THSD7B: variants seen among roughly 807,000 people sequenced by gnomAD.
THSD7B encodes thrombospondin type-1 domain-containing protein 7B.
In THSD7B, 138 loss-of-function variants were observed where a neutral mutation model predicts 213.6. That is an observed-to-expected ratio of 0.65 (90% CI 0.56 to 0.74). The LOEUF (loss-of-function observed/expected upper bound fraction) is 0.74, where lower values mean the gene tolerates loss of function less well. THSD7B is among the 30% of genes least tolerant of loss of function. THSD7B has a pLI of 0.00. For missense variants in THSD7B, 1,931 were observed against 1,991.5 expected, an observed-to-expected ratio of 0.97 and a Z score of 0.58; for synonymous variants, 742 against 687.0, an observed-to-expected ratio of 1.08 and a Z score of -1.25.
chr2:137,311,161 T>G (rs538707699), intron 12 of THSD7B, among the ~76,000 whole-genome samples: 2 of 151,240 alleles, frequency 1.3e-5, no homozygotes, highest in African/African-American at 4.9e-5. Context: ...TCCATTTGTT[T>G]GTATCCTCTT....
chr2:137,141,343 A>G (rs533053323), intron 5 of THSD7B, among the ~76,000 whole-genome samples: 5 of 152,234 alleles, frequency 3.3e-5, no homozygotes, highest in African/African-American at 9.6e-5. Context: ...CAAAACTAAG[A>G]CCAATCAGAA....
At chr2:137,023,611 G>A (rs1686487659) in intron 2 of THSD7B, among the ~76,000 whole-genome samples, 1 of 152,138 alleles carries the variant, frequency 6.6e-6, no homozygotes, top group South Asian at 2.1e-4. Flanking sequence ...TCTTTCCTTT[G>A]CGTGGACTCT....
chr2:137,643,593 A>G (rs530089442), intron 21 of THSD7B, among the ~76,000 whole-genome samples: 25 of 152,332 alleles, frequency 1.6e-4, no homozygotes, highest in African/African-American at 5.8e-4. Flanking sequence ...TACTTTGTCT[A>G]CTAGTCTAAA....
chr2:137,402,762 G>A (rs1018520606), intron 12 of THSD7B, among the ~76,000 whole-genome samples: 7 of 143,950 alleles, frequency 4.9e-5, no homozygotes, highest in South Asian at 4.3e-4. Context: ...GTTGCAGTGA[G>A]CTGAGATCAC....
intron 15 of THSD7B, among the ~76,000 whole-genome samples, chr2:137,457,279 A>G (rs1234282860): frequency 6.6e-6 from 1 of 152,058 alleles, no homozygotes; most frequent in East Asian, 1.9e-4. Flanking sequence ...ATATTTTTTC[A>G]TACTGGTTAT....
chr2:137,288,343 T>C (rs1247504670), intron 12 of THSD7B, among the ~76,000 whole-genome samples: 1 of 152,108 alleles, frequency 6.6e-6, no homozygotes, highest in Non-Finnish European at 1.5e-5. Flanking sequence ...ATCACTCTTT[T>C]AGCTGAGGTG....
At chr2:137,599,078 A>C (rs1201568053) in intron 17 of THSD7B, among the ~76,000 whole-genome samples, 6 of 120,334 alleles carry the variant, frequency 5.0e-5, no homozygotes, top group Non-Finnish European at 8.1e-5. Flanking sequence ...ATTCCCCTTC[A>C]TGTGTCCATG....
chr2:137,655,880 T>C (rs2104816633), intron 22 of THSD7B, among the ~76,000 whole-genome samples: 1 of 152,304 alleles, frequency 6.6e-6, no homozygotes, highest in Admixed American at 6.5e-5. Context: ...ACTTAAGAGC[T>C]AAGTTAGAAT....
chr2:136,866,174 A>C (rs1352155039), intron 1 of THSD7B, among the ~76,000 whole-genome samples: 1 of 152,090 alleles, frequency 6.6e-6, no homozygotes, highest in East Asian at 1.9e-4. Flanking sequence ...TGCCTATTTC[A>C]TTCTTCTTAT....
chr2:137,033,666 G>T (rs893635869), intron 2 of THSD7B, among the ~76,000 whole-genome samples: 1 of 151,816 alleles, frequency 6.6e-6, no homozygotes, highest in African/African-American at 2.4e-5. Flanking sequence ...GACCTGGAGC[G>T]CAGTGGCACA....
intron 1 of THSD7B, among the ~76,000 whole-genome samples, chr2:136,818,853 A>G (rs569885478): frequency 1.3e-5 from 2 of 152,036 alleles, no homozygotes; most frequent in East Asian, 1.9e-4. Context: ...GTGGCTTATA[A>G]CTCTAATAAA....
Position 137,165,550 on chromosome 2 carries a change from G to T in THSD7B, c.1525+5182G>T, listed in dbSNP as rs141111997. ...CTGTGAGTAGAATCATGGGAGTTCT[G>T]CCAGGATCACTGAGTGGTACAAACT... On this transcript the variant is annotated intron_variant, in intron 6 of 27. Transcript: ENST00000409968. 2.4e-3 allele frequency among the ~76,000 whole-genome samples: 367 copies of T among 152,164 alleles called. 3 individuals are homozygous for T. Among genetic ancestry groups the T allele is most frequent in the Non-Finnish European group, 2.2e-3 (150 of 67,988 alleles).
chr2:137,092,075 C>T (rs533404972), intron 3 of THSD7B, among the ~76,000 whole-genome samples: 21 of 152,058 alleles, frequency 1.4e-4, no homozygotes, highest in Admixed American at 4.6e-4. Flanking sequence ...TGAGACACTG[C>T]GCTTTTCATT....
chr2:136,954,714 CAAAAAAAAA>C (rs11378111), intron 2 of THSD7B, among the ~76,000 whole-genome samples: 1 of 89,430 alleles, frequency 1.1e-5, no homozygotes, highest in African/African-American at 5.6e-5. Context: ...GACTCTGTCT[CAAAAAAAAA>C]AAAAAAAAAA....
intron 17 of THSD7B, among the ~76,000 whole-genome samples, chr2:137,588,369 G>A (rs1390055998): frequency 2.0e-5 from 3 of 152,088 alleles, no homozygotes; most frequent in Non-Finnish European, 4.4e-5. Context: ...AAGCCCCAGT[G>A]AGATGAACCC....
At chr2:137,298,244 C>T (rs2104842599) in intron 12 of THSD7B, among the ~76,000 whole-genome samples, 1 of 152,180 alleles carries the variant, frequency 6.6e-6, no homozygotes, top group South Asian at 2.1e-4. Context: ...TTTGCCTCTG[C>T]CCTAGAGATT....
intron 1 of THSD7B, among the ~76,000 whole-genome samples, chr2:136,826,276 G>C (rs1310604286): frequency 1.3e-5 from 2 of 152,174 alleles, no homozygotes; most frequent in Non-Finnish European, 2.9e-5. Flanking sequence ...AGCATTGAGA[G>C]GATTTATTAT....
intron 13 of THSD7B, among the ~76,000 whole-genome samples, chr2:137,409,969 G>C (rs1686611092): frequency 1.3e-5 from 2 of 152,152 alleles, no homozygotes; most frequent in Non-Finnish European, 2.9e-5. Context: ...TAAGTAGACA[G>C]AATCCAGGGT....
intron 15 of THSD7B, among the ~76,000 whole-genome samples, chr2:137,553,335 G>T (rs1428531090): frequency 1.3e-5 from 2 of 152,024 alleles, no homozygotes; most frequent in Admixed American, 6.6e-5. Flanking sequence ...TGTTTTATTT[G>T]AGCCCTTGAA....
Sources: allele counts gnomAD v4.1 joint callset (sites outside exome capture counted in the v4.1 genomes callset), GRCh38; gene constraint gnomAD v4.1.1; transcripts MANE v1.5; gene names NCBI Gene and HGNC (gene_info 2026-07-23, HGNC 2026-07-21).